Variants in TTLL4 observed in about 807,000 individuals in gnomAD.
TTLL4 encodes the protein tubulin tyrosine ligase like 4.
TTLL4 carries 85 observed loss-of-function variants against 122.7 expected under a neutral mutation model. That is an observed-to-expected ratio of 0.69 (90% CI 0.58 to 0.83). The LOEUF is 0.83. Among genes scored for constraint, TTLL4 ranks in the 40% least tolerant of loss-of-function variants. The probability of loss-of-function intolerance (pLI) is 0.00; values close to 1 mark genes in which losing one functional copy is unlikely to be tolerated. For synonymous variants in TTLL4, 553 were observed against 563.0 expected, an observed-to-expected ratio of 0.98 and a Z score of 0.25; for missense variants, 1,363 against 1,488.6, an observed-to-expected ratio of 0.92 and a Z score of 1.39.
intron 1 of TTLL4, among the ~76,000 whole-genome samples, chr2:218,719,752 A>G (rs1206198480): frequency 6.6e-6 from 1 of 152,234 alleles, no homozygotes; most frequent in Non-Finnish European, 1.5e-5. Flanking sequence ...ATTCTGATGC[A>G]GGTGGGCCAC....
chr2:218,751,616 T>C (rs1378070865), intron 15 of TTLL4, 88 bp from the exon 16 acceptor site: 2 of 1,502,632 alleles, frequency 1.3e-6, no homozygotes, highest in Non-Finnish European at 1.8e-6. Context: ...TCAAGAAGGG[T>C]GTCTGCTGGG....
chr2:218,722,255 G>T (rs1326909939), intron 1 of TTLL4, among the ~76,000 whole-genome samples: 10 of 151,832 alleles, frequency 6.6e-5, no homozygotes, highest in Admixed American at 6.6e-4. Flanking sequence ...CAAACAAAAA[G>T]AAATTAAAAT....
At chr2:218,745,593 A>T (rs1049123866) in intron 6 of TTLL4, 98 bp from the exon 7 acceptor site, 11 of 829,736 alleles carry the variant, frequency 1.3e-5, no homozygotes, top group Non-Finnish European at 1.8e-5. Flanking sequence ...TTGCCTGCCC[A>T]GGGAAGAATG....
Position 218,748,825 on chromosome 2 carries a change from C to G in TTLL4, c.2502-11C>G. ...ATTTAATTCCTAATACTTCCTCTTC[C>G]TCCTCTGCAGGGCACTGAAGGCTTT... On this transcript the variant is annotated splice_polypyrimidine_tract_variant and intron_variant, in intron 12 of 19. Transcript: ENST00000392102. 1 of 1,612,170 alleles carries G rather than the reference C, an allele frequency of 6.2e-7. No homozygotes were observed. The highest frequency in any genetic ancestry group is 8.5e-7 in the Non-Finnish European group (1 of 1,178,456).
chr2:218,748,535 A>G, intron 12 of TTLL4: 1 of 436,648 alleles, frequency 2.3e-6, no homozygotes, highest in South Asian at 2.9e-5. Flanking sequence ...GGCGCCTACA[A>G]TCCCAGCTGC....
At chr2:218,745,851 G>T in intron 7 of TTLL4, 50 bp downstream of exon 7, 2 of 1,532,542 alleles carry the variant, frequency 1.3e-6, no homozygotes, top group Non-Finnish European at 1.8e-6. Flanking sequence ...CAAATAGATG[G>T]GCTTTGCATA....
intron 1 of TTLL4, among the ~76,000 whole-genome samples, chr2:218,720,623 G>A (rs1290943426): frequency 1.3e-5 from 2 of 149,692 alleles, no homozygotes; most frequent in Admixed American, 6.7e-5. Context: ...GCAGCGAGCC[G>A]AGATCGTACC....
chr2:218,738,716 G>C lies in TTLL4; in HGVS notation c.1040G>C (p.Gly347Ala). Residue 347 changes from glycine to alanine, a missense_variant, in exon 3 of 20, where the codon GGC becomes GCC. Coordinates refer to ENST00000392102, the MANE Select transcript of TTLL4 (RefSeq NM_014640.5). ...TEAVRKLTAR[G>A]FEKMPRQGCQ... Reference sequence around the variant, plus strand: ...GCCGTGAGGAAATTGACCGCAAGAGGCTTTGAGAAGATGCCGAGGCAAGGC... The same window carrying C: ...GCCGTGAGGAAATTGACCGCAAGAGCCTTTGAGAAGATGCCGAGGCAAGGC... The C allele has an allele frequency of 6.2e-7, 1 of 1,614,224 alleles. No individual in the cohort carries two copies. Among genetic ancestry groups the C allele is most frequent in the Non-Finnish European group, 8.5e-7 (1 of 1,180,048 alleles).
intron 5 of TTLL4, among the ~76,000 whole-genome samples, 158 bp downstream of exon 5, chr2:218,740,742 TGGG>T (rs1166649996): frequency 6.6e-6 from 1 of 152,116 alleles, no homozygotes; most frequent in Non-Finnish European, 1.5e-5. Context: ...CAGGGAGTAA[TGGG>T]GGGCCAGAAG....
downstream of TTLL4, among the ~76,000 whole-genome samples, chr2:218,758,775 T>G (rs370402927): frequency 2.5e-4 from 38 of 152,330 alleles, 1 homozygote; most frequent in East Asian, 5.6e-3. Flanking sequence ...GCTTGGTAGA[T>G]TCTTACAAAG....
At chr2:218,719,826 A>G (rs554485945) in intron 1 of TTLL4, among the ~76,000 whole-genome samples, 32 of 152,366 alleles carry the variant, frequency 2.1e-4, no homozygotes, top group African/African-American at 7.2e-4. Flanking sequence ...GAAGCAATAC[A>G]GCAAAATTAA....
At chr2:218,714,570 C>G (rs1268487629) in intron 1 of TTLL4, among the ~76,000 whole-genome samples, 1 of 152,114 alleles carries the variant, frequency 6.6e-6, no homozygotes, top group Non-Finnish European at 1.5e-5. Context: ...GTGCTCGTTT[C>G]TCTTAGGCCT....
At chr2:218,753,349 A>G (rs1943076185) in intron 18 of TTLL4, 164 bp downstream of exon 18, 10 of 901,234 alleles carry the variant, frequency 1.1e-5, no homozygotes, top group Non-Finnish European at 1.8e-5. Flanking sequence ...AGTTGCCTCC[A>G]GGATTCCCTG....
intron 6 of TTLL4, chr2:218,745,475 CT>C (rs1942815587): frequency 1.6e-6 from 1 of 639,382 alleles, no homozygotes; most frequent in Non-Finnish European, 2.7e-6. Context: ...AACCTTGTTG[CT>C]TTTCCCTTTC....
In TTLL4 at chr2:218,754,113, TTCACCACC is replaced by T. The variant is rs1468570770; in HGVS notation, c.3345-19_3345-12del. ...GTTAAACAGTGTCTCAGTCATTTCTTTCACCACCTATTCCCTCCAGAAAACAAAGCTCC... is the reference window on the plus strand; with the variant it reads ...GTTAAACAGTGTCTCAGTCATTTCTTTATTCCCTCCAGAAAACAAAGCTCC... On this transcript the variant is annotated splice_polypyrimidine_tract_variant and intron_variant, in intron 19 of 19. Transcript: ENST00000392102. 1.2e-6 allele frequency: 2 copies of T among 1,613,580 alleles called. No homozygotes were observed. The highest frequency in any genetic ancestry group is 1.7e-5 in the Admixed American group (1 of 59,912).
intron 2 of TTLL4, 36 bp from the exon 3 acceptor site, chr2:218,737,543 C>T: frequency 2.8e-6 from 3 of 1,067,982 alleles, no homozygotes; most frequent in Non-Finnish European, 4.0e-6. Context: ...GTTCTCCTGG[C>T]ACTGTAACAT....
intron 5 of TTLL4, among the ~76,000 whole-genome samples, chr2:218,744,151 A>G (rs1559370301): frequency 6.6e-6 from 1 of 152,262 alleles, no homozygotes. Flanking sequence ...CATAAAATTC[A>G]TTAAAAATCT....
At chr2:218,720,130 T>C (rs1941988914) in intron 1 of TTLL4, among the ~76,000 whole-genome samples, 1 of 152,036 alleles carries the variant, frequency 6.6e-6, no homozygotes. Context: ...ACACACTAGA[T>C]TGAAGTGGTT....
chr2:218,714,012 C>T (rs951771988), intron 1 of TTLL4, among the ~76,000 whole-genome samples: 3 of 152,288 alleles, frequency 2.0e-5, no homozygotes, highest in South Asian at 2.1e-4. Flanking sequence ...TAGAAAGGCC[C>T]AGGAGTTCAT....
Sources: allele counts gnomAD v4.1 joint callset (sites outside exome capture counted in the v4.1 genomes callset), GRCh38; gene constraint gnomAD v4.1.1; transcripts MANE v1.5; gene names NCBI Gene and HGNC (gene_info 2026-07-23, HGNC 2026-07-21).